Variants in LSAMP observed in about 807,000 individuals in gnomAD.
LSAMP encodes limbic system-associated membrane protein.
Under a neutral mutation model 38.6 loss-of-function variants are expected in LSAMP, and 7 were observed. That is an observed-to-expected ratio of 0.18 (90% CI 0.10 to 0.34). The LOEUF (loss-of-function observed/expected upper bound fraction) is 0.34, where lower values mean the gene tolerates loss of function less well. Among genes scored for constraint, LSAMP ranks in the 10% least tolerant of loss-of-function variants. LSAMP has a pLI of 1.00. For missense variants in LSAMP, 313 were observed against 420.0 expected (o/e 0.75, Z 2.23); for synonymous variants, 154 against 166.8 (o/e 0.92, Z 0.59).
At chr3:116,269,893 T>C (rs1291533015) in intron 1 of LSAMP, among the ~76,000 whole-genome samples, 2 of 152,210 alleles carry the variant, frequency 1.3e-5, no homozygotes, top group African/African-American at 2.4e-5. Flanking sequence ...CCTTATATTG[T>C]ACAATGAATT....
At chr3:116,103,483 AAAAAAG>A (rs1200607876) in intron 1 of LSAMP, among the ~76,000 whole-genome samples, 1 of 150,034 alleles carries the variant, frequency 6.7e-6, no homozygotes, top group African/African-American at 2.4e-5. Flanking sequence ...AAAAAAAAAA[AAAAAAG>A]AAAGACAGTG....
chr3:115,914,590 A>T (rs1193389311), intron 3 of LSAMP, among the ~76,000 whole-genome samples: 1 of 152,134 alleles, frequency 6.6e-6, no homozygotes, highest in Admixed American at 6.5e-5. Flanking sequence ...AAGTACCGGG[A>T]TAATTTTTTT....
intron 1 of LSAMP, among the ~76,000 whole-genome samples, chr3:116,423,470 T>A (rs2049156879): frequency 6.6e-6 from 1 of 152,216 alleles, no homozygotes; most frequent in Non-Finnish European, 1.5e-5. Context: ...ATGTTAAAGA[T>A]GTTTGCACAC....
chr3:115,872,969 C>T (rs1936086140), intron 3 of LSAMP, among the ~76,000 whole-genome samples: 1 of 152,154 alleles, frequency 6.6e-6, no homozygotes, highest in Admixed American at 6.6e-5. Flanking sequence ...ATGATACATA[C>T]ATACACATAT....
intron 2 of LSAMP, among the ~76,000 whole-genome samples, chr3:116,046,120 A>G (rs1476831428): frequency 6.6e-6 from 1 of 152,208 alleles, no homozygotes; most frequent in Admixed American, 6.5e-5. Flanking sequence ...CCTTTCTCTA[A>G]TAAGTCATAT....
intron 3 of LSAMP, among the ~76,000 whole-genome samples, chr3:115,927,569 G>A (rs1937517932): frequency 1.3e-5 from 2 of 152,114 alleles, no homozygotes; most frequent in African/African-American, 4.8e-5. Context: ...ATTTTTGATG[G>A]AAAGGTTCTG....
chr3:116,006,615 T>C (rs958033400), intron 3 of LSAMP, among the ~76,000 whole-genome samples: 14 of 152,164 alleles, frequency 9.2e-5, no homozygotes, highest in African/African-American at 3.4e-4. Context: ...AATCCATCCA[T>C]CCATCTTCAC....
chr3:116,149,724 C>T (rs975889091), intron 1 of LSAMP, among the ~76,000 whole-genome samples: 5 of 151,900 alleles, frequency 3.3e-5, no homozygotes, highest in African/African-American at 4.8e-5. Context: ...ACTGTTACTC[C>T]GCAAGATCTC....
rs1160550875 is a variant in LSAMP at position 115,923,024 on chromosome 3, T to C, written c.515-70407A>G. 2.0e-5 allele frequency among the ~76,000 whole-genome samples: 3 copies of C among 152,176 alleles called. 1 individual carries two copies. Among genetic ancestry groups the C allele is most frequent in the African/African-American group, 7.2e-5 (3 of 41,446 alleles). ...ATTCCTCAGGAAACCCTCTGAAAAC[T>C]TGAACACTGAACACACACTCTGTTA... On this transcript the variant is annotated intron_variant, in intron 3 of 6. Coordinates refer to ENST00000490035, the MANE Select transcript of LSAMP (RefSeq NM_002338.5).
rs190760173 is a variant in LSAMP at position 115,920,886 on chromosome 3, A to G, written c.515-68269T>C. On this transcript the variant is annotated intron_variant, in intron 3 of 6. Transcript: ENST00000490035. ...TTTTGGGTTCTCTGATGTTGGGTGC[A>G]TATATATATATATATTAATTGTTAT... 8.3e-3 allele frequency among the ~76,000 whole-genome samples: 1,150 copies of G among 138,158 alleles called. 6 individuals carry two copies. Among genetic ancestry groups the G allele is most frequent in the Middle Eastern group, 0.025 (7 of 276 alleles). 90.6% of individuals were successfully genotyped at this position (138,158 alleles called of 152,430 possible).
intron 1 of LSAMP, among the ~76,000 whole-genome samples, chr3:116,152,580 CAATT>C (rs749433376): frequency 1.6e-4 from 25 of 152,140 alleles, no homozygotes; most frequent in Non-Finnish European, 2.4e-4. Flanking sequence ...TTTATTGTAA[CAATT>C]AATTGATTAA....
chr3:116,197,501 T>C (rs1218423690), intron 1 of LSAMP, among the ~76,000 whole-genome samples: 4 of 152,208 alleles, frequency 2.6e-5, no homozygotes, highest in Non-Finnish European at 5.9e-5. Context: ...AGACTCAGCA[T>C]ATTAAGTTAA....
At chr3:116,162,768 T>TACACACACACACACACACACAC (rs71141856) in intron 1 of LSAMP, among the ~76,000 whole-genome samples, 278 of 147,428 alleles carry the variant, frequency 1.9e-3, no homozygotes, top group African/African-American at 6.7e-3. Context: ...CACACACTTA[T>TACACACACACACACACACACAC]ACACACACAC....
intron 1 of LSAMP, among the ~76,000 whole-genome samples, chr3:116,348,783 C>A (rs1228523536): frequency 6.6e-6 from 1 of 152,122 alleles, no homozygotes; most frequent in African/African-American, 2.4e-5. Context: ...TATCAAAAAT[C>A]TCCTGAAGAG....
chr3:115,996,494 G>A (rs1939818160), intron 3 of LSAMP, among the ~76,000 whole-genome samples: 1 of 151,996 alleles, frequency 6.6e-6, no homozygotes, highest in African/African-American at 2.4e-5. Context: ...CTGCTAACAT[G>A]TAACAGGGAT....
At chr3:116,273,632 C>A (rs1316977542) in intron 1 of LSAMP, among the ~76,000 whole-genome samples, 2 of 135,102 alleles carry the variant, frequency 1.5e-5, no homozygotes, top group African/African-American at 5.8e-5. Flanking sequence ...AGATGTTTGA[C>A]CATGGGTTAG....
intron 6 of LSAMP, among the ~76,000 whole-genome samples, chr3:115,817,489 A>T (rs1340244622): frequency 6.6e-6 from 1 of 152,168 alleles, no homozygotes; most frequent in East Asian, 1.9e-4. Context: ...GGGTCGGAAG[A>T]GCTCAGGTAG....
At chr3:115,826,638 A>C (rs1488695669) in intron 6 of LSAMP, among the ~76,000 whole-genome samples, 1 of 152,204 alleles carries the variant, frequency 6.6e-6, no homozygotes. Flanking sequence ...AACCCGGCTC[A>C]GAGCAAATAC....
intron 3 of LSAMP, among the ~76,000 whole-genome samples, chr3:115,946,005 A>G (rs1156304935): frequency 2.6e-5 from 4 of 152,012 alleles, no homozygotes; most frequent in African/African-American, 9.7e-5. Flanking sequence ...TCCCTTGAAA[A>G]CTCTGCTTAC....
Sources: allele counts gnomAD v4.1 joint callset (sites outside exome capture counted in the v4.1 genomes callset), GRCh38; gene constraint gnomAD v4.1.1; transcripts MANE v1.5; gene names NCBI Gene and HGNC (gene_info 2026-07-23, HGNC 2026-07-21).